MASP1: variants seen among roughly 807,000 people sequenced by gnomAD.
MASP1 encodes mannan-binding lectin serine protease 1.
MASP1 carries 59 observed loss-of-function variants against 77.1 expected under a neutral mutation model. The ratio of observed to expected loss-of-function variants is 0.77; its 90% CI spans 0.62 to 0.95. The LOEUF (loss-of-function observed/expected upper bound fraction) is 0.95, where lower values mean the gene tolerates loss of function less well. Ranked by LOEUF, MASP1 falls within the 40% of genes least tolerant of loss-of-function variation. The pLI is 0.00. For missense variants in MASP1, 885 were observed against 912.9 expected (o/e 0.97, Z 0.39); for synonymous variants, 362 against 354.5 (o/e 1.02, Z -0.24).
intron 2 of MASP1, among the ~76,000 whole-genome samples, chr3:187,282,212 G>C (rs1175798987): frequency 1.3e-5 from 2 of 152,198 alleles, no homozygotes; most frequent in Admixed American, 6.5e-5. Context: ...TTTTCAAGAA[G>C]AAAATGTGGG....
At position 187,253,294 on chromosome 3, in the gene MASP1, A is replaced by G. The variant is rs772429562; in HGVS notation, c.766T>C (p.Leu256=). The stretch of plus-strand genomic sequence containing the variant: ...GCTTTCTCTCCACAGAAAGGCCCCA[A>G]AACTTTTGGACCAACTTTGATCTGC... ...YIKIKVGPKV[L]GPFCGEKAPE... is the part of the protein sequence containing the mutation. Residue 256 remains leucine, a synonymous_variant, in exon 6 of 11, where the codon TTG becomes CTG. Transcript: ENST00000296280. 2.7e-5 allele frequency: 43 copies of G among 1,614,066 alleles called. No homozygotes were observed. The highest frequency in any genetic ancestry group is 5.5e-5 in the South Asian group (5 of 91,090).
intron 2 of MASP1, among the ~76,000 whole-genome samples, chr3:187,273,177 C>A (rs910329810): frequency 1.3e-5 from 2 of 152,148 alleles, no homozygotes; most frequent in Non-Finnish European, 2.9e-5. Flanking sequence ...CCATTTCACT[C>A]CTTTCCTAAT....
downstream of MASP1, among the ~76,000 whole-genome samples, chr3:187,233,494 T>C (rs3892790): frequency 4.4e-3 from 671 of 152,342 alleles, 18 homozygotes; most frequent in East Asian, 0.084. Flanking sequence ...TAAGTTCCTA[T>C]AGTACTTAAA....
At chr3:187,277,037 C>T (rs1265606931) in intron 2 of MASP1, among the ~76,000 whole-genome samples, 3 of 152,124 alleles carry the variant, frequency 2.0e-5, no homozygotes, top group African/African-American at 7.2e-5. Flanking sequence ...CAGACTGACC[C>T]AATGTGGCCT....
chr3:187,235,996 C>T lies in MASP1; in HGVS notation c.1875G>A (p.Val625=). The T allele has an allele frequency of 6.2e-7, 1 of 1,614,226 alleles. No individual in the cohort carries two copies. Among genetic ancestry groups the T allele is most frequent in the Non-Finnish European group, 8.5e-7 (1 of 1,180,046 alleles). Residue 625 remains valine (V), a synonymous_variant, in exon 11 of 11, where the codon GTG becomes GTA. Coordinates refer to ENST00000296280, the MANE Select transcript of MASP1 (RefSeq NM_139125.4). ...DVLQYVKLPV[V]PHAECKTSYE... The stretch of plus-strand genomic sequence containing the variant: ...AGCTAGTTTTGCACTCAGCGTGAGG[C>T]ACCACGGGTAACTTGACATACTGCA...
chr3:187,244,026 G>C, intron 8 of MASP1: 1 of 252,396 alleles, frequency 4.0e-6, no homozygotes, highest in Middle Eastern at 1.5e-3. Flanking sequence ...AACTCTAGCT[G>C]ACATAAACTA....
intron 7 of MASP1, 124 bp from the exon 8 acceptor site, chr3:187,250,453 T>C (rs1279701854): frequency 3.8e-6 from 3 of 791,378 alleles, no homozygotes; most frequent in East Asian, 4.9e-5. Flanking sequence ...TTTCCACCCA[T>C]GGGCTTCCAA....
At chr3:187,243,823 T>C in intron 8 of MASP1, 1 of 651,492 alleles carries the variant, frequency 1.5e-6, no homozygotes, top group Admixed American at 2.2e-5. Flanking sequence ...TTGAGGTCTC[T>C]TCCATTCATT....
chr3:187,232,845 G>C (rs569943253), downstream of MASP1, among the ~76,000 whole-genome samples: 11 of 152,308 alleles, frequency 7.2e-5, no homozygotes, highest in African/African-American at 2.4e-4. Context: ...AAAGTGCAAA[G>C]CGTAAATAAG....
chr3:187,264,309 C>A (rs192794645), intron 2 of MASP1, among the ~76,000 whole-genome samples: 1 of 152,284 alleles, frequency 6.6e-6, no homozygotes, highest in East Asian at 1.9e-4. Context: ...AGATACCAGC[C>A]GAACTCACAC....
intron 5 of MASP1, among the ~76,000 whole-genome samples, chr3:187,256,189 A>G (rs536989073): frequency 6.6e-6 from 1 of 152,274 alleles, no homozygotes; most frequent in Non-Finnish European, 1.5e-5. Context: ...CCAGCAGCAT[A>G]ATTTGTGAGG....
chr3:187,247,871 A>G (rs1308465158), intron 8 of MASP1, among the ~76,000 whole-genome samples: 9 of 152,110 alleles, frequency 5.9e-5, no homozygotes, highest in Admixed American at 2.0e-4. Flanking sequence ...TTTCTCTATC[A>G]CTGTTTAGGA....
exon 16 of MASP1, chr3:187,219,725 A>T (rs1416609669): frequency 2.7e-6 from 1 of 369,792 alleles, no homozygotes; most frequent in Non-Finnish European, 5.2e-6. Context: ...AGTGCTATGC[A>T]TCTATTAGTT....
intron 7 of MASP1, chr3:187,251,257 G>T (rs1391197408): frequency 7.9e-6 from 2 of 253,476 alleles, no homozygotes; most frequent in Non-Finnish European, 1.6e-5. Context: ...ACCATGCTCA[G>T]CCCCATTTGC....
exon 15 of MASP1, chr3:187,221,056 T>C (rs199871475): frequency 1.2e-6 from 2 of 1,614,098 alleles, no homozygotes; most frequent in East Asian, 2.2e-5. Context: ...CCAGCACAGA[T>C]CATGTCCCTG....
At chr3:187,225,292 T>A (rs1219134055) in intron 13 of MASP1, 1 of 1,610,480 alleles carries the variant, frequency 6.2e-7, no homozygotes, top group African/African-American at 1.3e-5. Flanking sequence ...AGGCACCAGC[T>A]GCCCTGCAGA....
intron 10 of MASP1, among the ~76,000 whole-genome samples, chr3:187,240,979 A>G (rs1713588003): frequency 6.6e-6 from 1 of 152,222 alleles, no homozygotes. Flanking sequence ...ATCTGTATGC[A>G]CAGTAACACT....
At position 187,247,213 on chromosome 3, in the gene MASP1, A is replaced by T. The variant is rs1035180443; in HGVS notation, c.1090+3038T>A. Reference sequence around the variant, plus strand: ...GATCATGTTGTTCAGCACCCATTCTAATCCACATGGAAAGGGGCACGGGGG... The same window carrying T: ...GATCATGTTGTTCAGCACCCATTCTTATCCACATGGAAAGGGGCACGGGGG... On this transcript the variant is annotated intron_variant, in intron 8 of 10. Coordinates refer to ENST00000296280, the MANE Select transcript of MASP1 (RefSeq NM_139125.4). 2.2e-5 allele frequency: 35 copies of T among 1,585,864 alleles called. No homozygotes were observed. The African/African-American group carries it at 4.3e-4, about 19-fold the overall frequency.
chr3:187,240,276 C>T (rs140223616), intron 10 of MASP1, among the ~76,000 whole-genome samples: 1 of 152,082 alleles, frequency 6.6e-6, no homozygotes, highest in African/African-American at 2.4e-5. Context: ...CTGAAATGTA[C>T]CATTAATATA....
Sources: allele counts gnomAD v4.1 joint callset (sites outside exome capture counted in the v4.1 genomes callset), GRCh38; gene constraint gnomAD v4.1.1; transcripts MANE v1.5; gene names NCBI Gene and HGNC (gene_info 2026-07-23, HGNC 2026-07-21).